RPS27: variants seen among roughly 807,000 people sequenced by gnomAD.
The protein encoded by RPS27 is ribosomal protein S27, also known as small ribosomal subunit protein eS27.
Under a neutral mutation model 11.8 loss-of-function variants are expected in RPS27, and 1 was observed. That is an observed-to-expected ratio of 0.08 (90% CI 0.03 to 0.40). The LOEUF is 0.40. Among genes scored for constraint, RPS27 ranks in the 10% least tolerant of loss-of-function variants. The pLI is 0.98. For missense variants in RPS27, 44 were observed against 100.1 expected (o/e 0.44, Z 2.39); for synonymous variants, 42 against 33.8 (o/e 1.24, Z -0.84).
intron 2 of RPS27, 151 bp downstream of exon 2, chr1:153,991,374 G>A (rs1649392912): frequency 1.3e-6 from 2 of 1,506,426 alleles, no homozygotes; most frequent in South Asian, 2.5e-5. Context: ...CTTAAAATTT[G>A]AATGTATGAG....
At chr1:153,990,866 C>G (rs1414429729) in intron 1 of RPS27, 64 bp downstream of exon 1, 18 of 1,606,308 alleles carry the variant, frequency 1.1e-5, no homozygotes, top group Non-Finnish European at 1.5e-5. Flanking sequence ...TCCCCTCACG[C>G]TGATTTCGGA....
intron 3 of RPS27, among the ~76,000 whole-genome samples, 190 bp downstream of exon 3, chr1:153,991,866 G>A (rs1185025563): frequency 2.6e-5 from 4 of 152,194 alleles, no homozygotes; most frequent in African/African-American, 9.7e-5. Context: ...AAGCACTACT[G>A]TCTAAAGCGG....
At position 153,992,036 on chromosome 1, in the gene RPS27, C is replaced by A. The variant is rs181933252; in HGVS notation, c.227-29C>A. 5.0e-5 allele frequency: 80 copies of A among 1,610,856 alleles called. 1 individual carries two copies. The African/African-American group carries it at 7.9e-4, about 16-fold the overall frequency. ...GTGGGCAGAATACCTGTACTGATGA[C>A]AGCTAATCTCTGAATCTTTTTCCTC... On this transcript the variant is annotated intron_variant, in intron 3 of 3. Coordinates refer to ENST00000651669, the MANE Select transcript of RPS27 (RefSeq NM_001030.6).
chr1:153,991,449 C>A, intron 2 of RPS27, 117 bp from the exon 3 acceptor site: 2 of 1,357,456 alleles, frequency 1.5e-6, no homozygotes, highest in East Asian at 2.4e-5. Context: ...TCACATTTCA[C>A]ATACAACCCC....
intron 1 of RPS27, 142 bp from the exon 2 acceptor site, chr1:153,990,973 G>T: frequency 8.3e-7 from 1 of 1,207,398 alleles, no homozygotes; most frequent in Non-Finnish European, 1.2e-6. Flanking sequence ...GGAGCGGAGA[G>T]GAGATAAGAT....
In RPS27 at chr1:153,990,763, C is replaced by T. The variant is rs188748675; in HGVS notation, c.-34C>T. 2.4e-3 allele frequency: 3,928 copies of T among 1,614,170 alleles called. 37 individuals are homozygous for T. In the African/African-American group the frequency reaches 0.024, roughly 10 times the overall value. On this transcript the variant is annotated 5_prime_UTR_variant, in exon 1 of 4. Transcript: ENST00000651669. Reference sequence around the variant, plus strand: ...AGGGGCAGGATTTCCGCTTTCGCTCCTTTCCGGCGGTGACGACCTACGCAC... The same window carrying T: ...AGGGGCAGGATTTCCGCTTTCGCTCTTTTCCGGCGGTGACGACCTACGCAC...
At position 153,991,663 on chromosome 1, in the gene RPS27, A is replaced by C; in HGVS notation, c.213A>C (p.Ala71=). The change falls in exon 3 of 4, where the codon GCA becomes GCC. Residue 71 remains alanine, a synonymous_variant. Transcript: ENST00000651669. ...TCTGCCAGCCTACAGGAGGAAAAGC[A>C]AGGCTTACAGAAGGTAAATGGTTTA... ...TVLCQPTGGK[A]RLTEGCSFRR... is the part of the protein sequence containing the mutation. 1.2e-6 allele frequency: 2 copies of C among 1,602,342 alleles called. No individual in the cohort carries two copies. The highest frequency in any genetic ancestry group is 1.7e-6 in the Non-Finnish European group (2 of 1,169,570).
chr1:153,992,044 C>T lies in RPS27; in HGVS notation c.227-21C>T, dbSNP rs964843893. 6 of 1,612,472 alleles carry T rather than the reference C, an allele frequency of 3.7e-6. No individual in the cohort carries two copies. The African/African-American group carries it at 8.0e-5, about 22-fold the overall frequency. On this transcript the variant is annotated intron_variant, in intron 3 of 3. Transcript: ENST00000651669. ...AATACCTGTACTGATGACAGCTAAT[C>T]TCTGAATCTTTTTCCTCCAGGATGT...
chr1:153,991,875 G>A (rs1051334310), intron 3 of RPS27, among the ~76,000 whole-genome samples, 190 bp from the exon 4 acceptor site: 5 of 152,078 alleles, frequency 3.3e-5, no homozygotes, highest in Non-Finnish European at 7.3e-5. Flanking sequence ...TGTCTAAAGC[G>A]GGGATAAATG....
Position 153,991,636 on chromosome 1 carries a change from C to T in RPS27, c.186C>T (p.Val62=), listed in dbSNP as rs770500545. ...TVVLCVGCST[V]LCQPTGGKAR... ...TTTTGTGTGTTGGCTGCTCCACTGTCCTCTGCCAGCCTACAGGAGGAAAAG... is the reference window on the plus strand; with the variant it reads ...TTTTGTGTGTTGGCTGCTCCACTGTTCTCTGCCAGCCTACAGGAGGAAAAG... Residue 62 remains valine, a synonymous_variant, in exon 3 of 4, where the codon GTC becomes GTT. Transcript: ENST00000651669. 25 of 1,611,506 alleles carry T rather than the reference C, an allele frequency of 1.6e-5. No individual in the cohort carries two copies. The highest frequency in any genetic ancestry group is 1.7e-5 in the Non-Finnish European group (20 of 1,177,756).
At chr1:153,992,006 G>T in intron 3 of RPS27, 59 bp from the exon 4 acceptor site, 1 of 1,512,798 alleles carries the variant, frequency 6.6e-7, no homozygotes, top group South Asian at 1.1e-5. Context: ...GCTTTTTTGG[G>T]AGAGGTGGGC....
At chr1:153,991,301 T>C (rs1649385404) in intron 2 of RPS27, 78 bp downstream of exon 2, 6 of 1,553,018 alleles carry the variant, frequency 3.9e-6, no homozygotes, top group Non-Finnish European at 5.2e-6. Context: ...AGCTGTCTCG[T>C]ATCCTTGAAG....
chr1:153,991,198 C>T lies in RPS27; in HGVS notation c.90C>T (p.Ser30=), dbSNP rs1649376584. 1.3e-6 allele frequency: 2 copies of T among 1,599,166 alleles called. No homozygotes were observed. The highest frequency in any genetic ancestry group is 1.7e-6 in the Non-Finnish European group (2 of 1,170,498). Residue 30 remains serine (S), a synonymous_variant, in exon 2 of 4, where the codon TCC becomes TCT. Coordinates refer to ENST00000651669, the MANE Select transcript of RPS27 (RefSeq NM_001030.6). ...KKKRLVQSPN[S]YFMDVKCPGC... is the part of the protein sequence containing the mutation. ...AACGCCTGGTGCAGAGCCCCAATTC[C>T]TACTTCATGGATGTGAAATGCCCAG...
chr1:153,991,256 A>C, intron 2 of RPS27, 33 bp downstream of exon 2: 2 of 1,574,314 alleles, frequency 1.3e-6, no homozygotes, highest in Non-Finnish European at 1.7e-6. Context: ...TGGGGAAAGC[A>C]CTGGACCTCA....
Position 153,991,090 on chromosome 1 carries a change from A to G in RPS27, c.7-25A>G, listed in dbSNP as rs1649369664. ...TCCCATTTTCGCTGTTGGTTTCTAA[A>G]TCTCTGCATTTCTGTCCCTCTTAGC... On this transcript the variant is annotated intron_variant, in intron 1 of 3. Transcript: ENST00000651669. 4 of 1,523,192 alleles carry G rather than the reference A, an allele frequency of 2.6e-6. No individual in the cohort carries two copies. The highest frequency in any genetic ancestry group is 2.3e-5 in the East Asian group (1 of 42,608). The allele number at this position is 1,523,192 out of a possible 1,614,324, so 94.4% of individuals were successfully genotyped here. A position where few individuals can be genotyped will look rare whatever the true frequency, so the allele number is the denominator to read the frequency against.
At chr1:153,991,424 C>T (rs1649396199) in intron 2 of RPS27, 142 bp from the exon 3 acceptor site, 2 of 1,392,994 alleles carry the variant, frequency 1.4e-6, no homozygotes, top group Non-Finnish European at 2.0e-6. Flanking sequence ...TGATTCATTT[C>T]ACCGTGATCT....
chr1:153,990,899 C>T, intron 1 of RPS27, 97 bp downstream of exon 1: 6 of 1,523,954 alleles, frequency 3.9e-6, no homozygotes, highest in Middle Eastern at 3.4e-4. Flanking sequence ...CTCATTTACC[C>T]TCTGCACTTC....
Position 153,991,110 on chromosome 1 carries a change from C to T in RPS27, c.7-5C>T, listed in dbSNP as rs1467607114. On this transcript the variant is annotated splice_region_variant and splice_polypyrimidine_tract_variant and intron_variant, in intron 1 of 3. Transcript: ENST00000651669. ...TCTAAATCTCTGCATTTCTGTCCCT[C>T]TTAGCTCGCAAAGGATCTCCTTCAT... The T allele has an allele frequency of 2.5e-6, 4 of 1,571,846 alleles. No homozygotes were observed. The highest frequency in any genetic ancestry group is 2.3e-5 in the East Asian group (1 of 44,138).
At position 153,991,556 on chromosome 1, in the gene RPS27, T is replaced by C. The variant is rs1388497209; in HGVS notation, c.116-10T>C. 3.1e-6 allele frequency: 5 copies of C among 1,604,788 alleles called. No individual in the cohort carries two copies. The South Asian group carries it at 4.4e-5, about 14-fold the overall frequency. ...ATAGAGGAAAAAAATGTTATCTGCT[T>C]TTCTTTCAGGATGCTATAAAATCAC... On this transcript the variant is annotated splice_polypyrimidine_tract_variant and intron_variant, in intron 2 of 3. Transcript: ENST00000651669.
Sources: allele counts gnomAD v4.1 joint callset (sites outside exome capture counted in the v4.1 genomes callset), GRCh38; gene constraint gnomAD v4.1.1; transcripts MANE v1.5; gene names NCBI Gene and HGNC (gene_info 2026-07-23, HGNC 2026-07-21).